SPRR2B: variants seen among roughly 807,000 people sequenced by gnomAD.
SPRR2B encodes the protein small proline rich protein 2B, also known as small proline-rich protein 2B.
In SPRR2B, 1 loss-of-function variant was observed where a neutral mutation model predicts 1.0. The ratio of observed to expected loss-of-function variants is 1.01; its 90% CI spans 0.36 to 4.77. SPRR2B has a LOEUF of 4.77. SPRR2B is among the 30% of genes most tolerant of loss of function. SPRR2B has a pLI of 0.16. For missense variants in SPRR2B, 53 were observed against 88.7 expected (o/e 0.60, Z 1.62); for synonymous variants, 27 against 33.4 (o/e 0.81, Z 0.66).
upstream of SPRR2B, among the ~76,000 whole-genome samples, chr1:153,073,007 G>T (rs1500937): frequency 6.6e-6 from 1 of 152,016 alleles, no homozygotes; most frequent in Non-Finnish European, 1.5e-5. Flanking sequence ...AAAAGAGGAA[G>T]AGGAGTGACT....
At chr1:153,087,677 C>T in the SPRR2B span, among the ~76,000 whole-genome samples, 20 of 152,258 alleles carry the variant, frequency 1.3e-4, no homozygotes, top group Non-Finnish European at 1.9e-4. Context: ...CACATACACC[C>T]TCCAAACCCT....
chr1:153,084,117 A>T, the SPRR2B span, among the ~76,000 whole-genome samples: 1 of 152,270 alleles, frequency 6.6e-6, no homozygotes, highest in Non-Finnish European at 1.5e-5. Flanking sequence ...CAGCTAACAA[A>T]TGGAGAACTC....
the SPRR2B span, among the ~76,000 whole-genome samples, chr1:153,086,949 A>G: frequency 1.3e-5 from 2 of 152,236 alleles, no homozygotes; most frequent in South Asian, 4.1e-4. Flanking sequence ...ACAATTACTT[A>G]GAAATTCAGT....
At chr1:153,072,363 T>C (rs532453200), upstream of SPRR2B, among the ~76,000 whole-genome samples, 8 of 152,308 alleles carry the variant, frequency 5.3e-5, no homozygotes, top group South Asian at 2.1e-4. Flanking sequence ...TTTTTATTTA[T>C]AGAAATGTAC....
At chr1:153,079,207 GTTGT>G in the SPRR2B span, among the ~76,000 whole-genome samples, 24,965 of 151,808 alleles carry the variant, frequency 0.16, 3,463 homozygotes, top group East Asian at 0.48. Flanking sequence ...TTTTGATGGG[GTTGT>G]TTGTTTTTTT....
the SPRR2B span, among the ~76,000 whole-genome samples, chr1:153,077,405 A>G: frequency 6.6e-6 from 1 of 152,212 alleles, no homozygotes; most frequent in Non-Finnish European, 1.5e-5. Flanking sequence ...TGAAGATACA[A>G]AAATCTCTGA....
Position 153,070,649 on chromosome 1 carries a change from T to G in SPRR2B, c.191A>C (p.Gln64Pro), listed in dbSNP as rs1654639618. The G allele has an allele frequency of 1.2e-6, 2 of 1,612,300 alleles. No homozygotes were observed. The highest frequency in any genetic ancestry group is 1.7e-6 in the Non-Finnish European group (2 of 1,179,832). ...YPPVTPSPPC[Q>P]PKYPPKSK Reference sequence around the variant, plus strand: ...CTTGCTCTTCGGTGGATACTTTGGCTGGCAGGGTGGGGAAGGTGTCACAGG... The same window carrying G: ...CTTGCTCTTCGGTGGATACTTTGGCGGGCAGGGTGGGGAAGGTGTCACAGG... Residue 64 changes from glutamine (Q) to proline (P), a missense_variant, in exon 2 of 2, where the codon CAG becomes CCG. By Grantham distance (76) the Gln-to-Pro change is moderately conservative. Transcript: ENST00000368755.
upstream of SPRR2B, among the ~76,000 whole-genome samples, chr1:153,076,219 C>T (rs907660277): frequency 3.3e-5 from 5 of 152,120 alleles, no homozygotes; most frequent in African/African-American, 7.2e-5. Flanking sequence ...TCCTTGTAAG[C>T]AACTGAATAG....
At chr1:153,071,083 A>G (rs1273875387) in intron 1 of SPRR2B, among the ~76,000 whole-genome samples, 1 of 126,786 alleles carries the variant, frequency 7.9e-6, no homozygotes, top group African/African-American at 2.6e-5. Context: ...CAAAGAAAAC[A>G]TCTCTGTAAT....
the SPRR2B span, among the ~76,000 whole-genome samples, chr1:153,077,146 T>G: frequency 6.6e-6 from 1 of 152,168 alleles, no homozygotes; most frequent in Admixed American, 6.5e-5. Flanking sequence ...TAAGAAGTAG[T>G]TGACCAAATG....
the SPRR2B span, among the ~76,000 whole-genome samples, chr1:153,080,307 A>G: frequency 1.3e-5 from 2 of 152,176 alleles, no homozygotes; most frequent in African/African-American, 4.8e-5. Flanking sequence ...TAAATATATA[A>G]GCCAATTGGA....
upstream of SPRR2B, among the ~76,000 whole-genome samples, chr1:153,073,264 A>G (rs958348078): frequency 6.6e-6 from 1 of 152,236 alleles, no homozygotes; most frequent in Admixed American, 6.5e-5. Flanking sequence ...TGTCAAGTAC[A>G]GTGGGTGCAG....
At chr1:153,073,666 A>C (rs1400699758), upstream of SPRR2B, among the ~76,000 whole-genome samples, 1 of 151,638 alleles carries the variant, frequency 6.6e-6, no homozygotes, top group African/African-American at 2.4e-5. Flanking sequence ...TAGGACATCC[A>C]GGCCCTGAGA....
chr1:153,075,447 ACTAT>A (rs1418084712), upstream of SPRR2B, among the ~76,000 whole-genome samples: 4 of 152,228 alleles, frequency 2.6e-5, no homozygotes, highest in East Asian at 1.9e-4. Flanking sequence ...GAGTTTGTCT[ACTAT>A]CTAAGAGCCA....
upstream of SPRR2B, among the ~76,000 whole-genome samples, chr1:153,075,682 T>C (rs1048469143): frequency 1.3e-5 from 2 of 152,110 alleles, no homozygotes; most frequent in Non-Finnish European, 2.9e-5. Flanking sequence ...ATCAAAGAGA[T>C]AGGGGCAAAA....
chr1:153,087,636 A>C, the SPRR2B span, among the ~76,000 whole-genome samples: 2 of 151,196 alleles, frequency 1.3e-5, no homozygotes, highest in Admixed American at 1.3e-4. Context: ...CATAAGCTAG[A>C]AAATATAGAA....
chr1:153,072,901 G>C (rs180767969), upstream of SPRR2B, among the ~76,000 whole-genome samples: 4 of 152,242 alleles, frequency 2.6e-5, no homozygotes, highest in Non-Finnish European at 5.9e-5. Context: ...TTAAAATACT[G>C]CTGCTGGAGC....
At chr1:153,086,650 AG>A in the SPRR2B span, among the ~76,000 whole-genome samples, 1 of 152,196 alleles carries the variant, frequency 6.6e-6, no homozygotes, top group Non-Finnish European at 1.5e-5. Flanking sequence ...ATTCATCACA[AG>A]GACTGTATTA....
the SPRR2B span, among the ~76,000 whole-genome samples, chr1:153,087,698 G>T: frequency 3.3e-5 from 5 of 152,194 alleles, no homozygotes; most frequent in Non-Finnish European, 7.3e-5. Context: ...GAGCCAGGAA[G>T]AATTTGCATT....
Sources: allele counts gnomAD v4.1 joint callset (sites outside exome capture counted in the v4.1 genomes callset), GRCh38; gene constraint gnomAD v4.1.1; transcripts MANE v1.5; gene names NCBI Gene and HGNC (gene_info 2026-07-23, HGNC 2026-07-21).